Variants in ZNF420 observed in about 807,000 individuals in gnomAD.
ZNF420 encodes the protein ATM and p53-associated KZNF protein.
ZNF420 carries 31 observed loss-of-function variants against 44.7 expected under a neutral mutation model. The observed-to-expected ratio is 0.69, with a 90% confidence interval of 0.52 to 0.94. The LOEUF is 0.94. ZNF420 is among the 40% of genes least tolerant of loss of function. The pLI, the probability that ZNF420 is intolerant of heterozygous loss-of-function variation, is 0.00. For synonymous variants in ZNF420, 245 were observed against 267.4 expected, an observed-to-expected ratio of 0.92 and a Z score of 0.82; for missense variants, 681 against 827.9, an observed-to-expected ratio of 0.82 and a Z score of 2.18.
At chr19:37,098,706 T>C (rs888319685) in intron 4 of ZNF420, among the ~76,000 whole-genome samples, 1 of 152,228 alleles carries the variant, frequency 6.6e-6, no homozygotes, top group Non-Finnish European at 1.5e-5. Flanking sequence ...ACATTCAAGA[T>C]GCTCTCTTCT....
At chr19:37,059,182 C>T (rs939380787) in intron 1 of ZNF420, among the ~76,000 whole-genome samples, 3 of 152,206 alleles carry the variant, frequency 2.0e-5, no homozygotes, top group Non-Finnish European at 2.9e-5. Context: ...AGACAGGACT[C>T]CTGGGGGTTT....
chr19:37,016,680 G>A (rs1356696761), intron 1 of ZNF420, among the ~76,000 whole-genome samples: 1 of 152,178 alleles, frequency 6.6e-6, no homozygotes, highest in Non-Finnish European at 1.5e-5. Context: ...CGTTCCCGTT[G>A]CTACTGGACA....
chr19:37,118,276 C>T (rs1256257550), intron 4 of ZNF420, among the ~76,000 whole-genome samples: 1 of 152,228 alleles, frequency 6.6e-6, no homozygotes, highest in Non-Finnish European at 1.5e-5. Flanking sequence ...GCTGATCTCT[C>T]AGCAGAAACT....
chr19:37,084,288 T>A (rs1237803006), intron 2 of ZNF420, among the ~76,000 whole-genome samples: 3 of 152,228 alleles, frequency 2.0e-5, no homozygotes, highest in Non-Finnish European at 4.4e-5. Flanking sequence ...TTCCTTTATA[T>A]GTTTAACCTT....
intron 4 of ZNF420, among the ~76,000 whole-genome samples, chr19:37,115,598 C>T (rs1038063973): frequency 1.3e-5 from 2 of 152,030 alleles, no homozygotes; most frequent in Admixed American, 6.5e-5. Context: ...AGGCAGTTTT[C>T]TTCTATCTCA....
intron 1 of ZNF420, among the ~76,000 whole-genome samples, chr19:37,036,105 A>G (rs1967350056): frequency 6.6e-6 from 1 of 152,154 alleles, no homozygotes. Flanking sequence ...TACCCTTCCC[A>G]GAAGTGGTTA....
intron 4 of ZNF420, among the ~76,000 whole-genome samples, chr19:37,110,334 C>A (rs143926374): frequency 0.015 from 2,264 of 152,214 alleles, 25 homozygotes; most frequent in African/African-American, 0.028. Flanking sequence ...ACACTGGGTG[C>A]AATGTTGTAC....
upstream of ZNF420, among the ~76,000 whole-genome samples, chr19:37,077,273 T>A (rs1165272128): frequency 6.6e-6 from 1 of 152,238 alleles, no homozygotes; most frequent in Non-Finnish European, 1.5e-5. Flanking sequence ...ATTTGGGAAA[T>A]CTGACTAGTG....
chr19:37,068,587 C>G (rs1384670388), intron 1 of ZNF420, among the ~76,000 whole-genome samples: 3 of 152,098 alleles, frequency 2.0e-5, no homozygotes. Flanking sequence ...TTGTGGTGAG[C>G]CAAGATTGTG....
At chr19:37,052,073 T>C (rs1967648990) in intron 1 of ZNF420, among the ~76,000 whole-genome samples, 1 of 152,222 alleles carries the variant, frequency 6.6e-6, no homozygotes, top group Non-Finnish European at 1.5e-5. Flanking sequence ...ATATTTAGGA[T>C]AGTTAGCTCT....
intron 4 of ZNF420, among the ~76,000 whole-genome samples, chr19:37,096,720 C>A (rs970042159): frequency 1.3e-5 from 2 of 152,088 alleles, no homozygotes; most frequent in Non-Finnish European, 2.9e-5. Flanking sequence ...TGTTTACTTT[C>A]TTTTATGCTT....
chr19:37,122,356 C>G (rs1971095247), intron 4 of ZNF420, among the ~76,000 whole-genome samples: 1 of 151,842 alleles, frequency 6.6e-6, no homozygotes, highest in East Asian at 1.9e-4. Context: ...AGCAAACTAT[C>G]TCAAGGACAG....
At chr19:37,016,340 G>C (rs2074608746) in intron 1 of ZNF420, among the ~76,000 whole-genome samples, 1 of 152,254 alleles carries the variant, frequency 6.6e-6, no homozygotes, top group Non-Finnish European at 1.5e-5. Context: ...GGGACTGGCA[G>C]TTGACTGGGT....
chr19:37,017,054 T>C (rs967711814), intron 1 of ZNF420, among the ~76,000 whole-genome samples: 4 of 152,210 alleles, frequency 2.6e-5, no homozygotes, highest in African/African-American at 9.6e-5. Context: ...ACCACATATT[T>C]CACCATCTTG....
intron 4 of ZNF420, among the ~76,000 whole-genome samples, chr19:37,125,252 C>T (rs1042298058): frequency 2.0e-5 from 3 of 152,078 alleles, no homozygotes; most frequent in Non-Finnish European, 4.4e-5. Flanking sequence ...CCAGAACACA[C>T]AGAATTGTCC....
At chr19:37,091,395 C>A in intron 4 of ZNF420, 1 of 234,286 alleles carries the variant, frequency 4.3e-6, no homozygotes, top group Non-Finnish European at 8.3e-6. Flanking sequence ...GCAGATAAAA[C>A]AGCCTATACA....
chr19:37,053,508 T>C (rs1044625652), intron 1 of ZNF420, among the ~76,000 whole-genome samples: 1 of 152,246 alleles, frequency 6.6e-6, no homozygotes, highest in African/African-American at 2.4e-5. Context: ...CCTTTGGTCT[T>C]TGATGATGGT....
chr19:37,089,505 C>T (rs1969013706), intron 3 of ZNF420, among the ~76,000 whole-genome samples: 2 of 152,078 alleles, frequency 1.3e-5, no homozygotes, highest in South Asian at 4.1e-4. Context: ...TGACTGGGCT[C>T]ACTCTCAGTA....
chr19:37,113,496 A>G (rs892873862), intron 4 of ZNF420, among the ~76,000 whole-genome samples: 2 of 152,092 alleles, frequency 1.3e-5, no homozygotes, highest in African/African-American at 2.4e-5. Context: ...TGGCTGATTG[A>G]CACTCAGGAT....
Sources: allele counts gnomAD v4.1 joint callset (sites outside exome capture counted in the v4.1 genomes callset), GRCh38; gene constraint gnomAD v4.1.1; transcripts MANE v1.5; gene names NCBI Gene and HGNC (gene_info 2026-07-23, HGNC 2026-07-21).